The following MGMT variants were observed in gnomAD, a reference collection of about 807,000 sequenced individuals.
MGMT encodes the protein methylated-DNA--protein-cysteine methyltransferase.
MGMT carries 14 observed loss-of-function variants against 15.9 expected under a neutral mutation model. That is an observed-to-expected ratio of 0.88 (90% CI 0.58 to 1.37). MGMT has a LOEUF of 1.37. Among genes scored for constraint, MGMT ranks in the 40% most tolerant of loss-of-function variants. The pLI is 0.00. For synonymous variants in MGMT, 130 were observed against 118.2 expected (o/e 1.10, Z -0.65); for missense variants, 282 against 268.1 (o/e 1.05, Z -0.36).
At chr10:129,538,808 G>A (rs962882982) in intron 2 of MGMT, among the ~76,000 whole-genome samples, 2 of 152,064 alleles carry the variant, frequency 1.3e-5, no homozygotes, top group African/African-American at 4.8e-5. Context: ...GCTAATTTTT[G>A]TATTTTTAGT....
At chr10:129,750,677 A>G (rs369937167) in intron 3 of MGMT, among the ~76,000 whole-genome samples, 7 of 152,128 alleles carry the variant, frequency 4.6e-5, no homozygotes, top group Non-Finnish European at 7.4e-5. Flanking sequence ...TGCAAATACT[A>G]TGCCATTTTA....
chr10:129,501,305 C>G (rs1461514297), intron 1 of MGMT, among the ~76,000 whole-genome samples: 1 of 152,146 alleles, frequency 6.6e-6, no homozygotes, highest in African/African-American at 2.4e-5. Context: ...GGGGAGGATG[C>G]CTTTATTATC....
chr10:129,666,944 C>T (rs1380437565), intron 2 of MGMT, among the ~76,000 whole-genome samples: 1 of 152,222 alleles, frequency 6.6e-6, no homozygotes, highest in Non-Finnish European at 1.5e-5. Context: ...AAAACCAGTG[C>T]ATGTTGAAGG....
chr10:129,704,035 G>A (rs1400714891), intron 2 of MGMT, among the ~76,000 whole-genome samples: 3 of 152,042 alleles, frequency 2.0e-5, no homozygotes, highest in South Asian at 2.1e-4. Flanking sequence ...CCCTCTGTTC[G>A]GCCGCCTTCC....
At chr10:129,549,584 CTCTT>C (rs1386609472) in intron 2 of MGMT, among the ~76,000 whole-genome samples, 1 of 152,140 alleles carries the variant, frequency 6.6e-6, no homozygotes, top group Non-Finnish European at 1.5e-5. Flanking sequence ...GAGTTTTCTT[CTCTT>C]TCTCTTTTCT....
intron 3 of MGMT, among the ~76,000 whole-genome samples, chr10:129,748,165 C>T (rs1172638575): frequency 6.6e-6 from 1 of 152,206 alleles, no homozygotes; most frequent in Admixed American, 6.5e-5. Context: ...GACAGAGTAT[C>T]TACATAAGTT....
At chr10:129,536,490 C>CA (rs1845986263) in intron 2 of MGMT, 113 bp downstream of exon 2, 3 of 1,308,374 alleles carry the variant, frequency 2.3e-6, no homozygotes, top group Admixed American at 5.4e-5. Flanking sequence ...GCCTTACCCC[C>CA]ACAACCGCAA....
At chr10:129,581,779 C>T (rs1290033466) in intron 2 of MGMT, among the ~76,000 whole-genome samples, 1 of 152,170 alleles carries the variant, frequency 6.6e-6, no homozygotes, top group Non-Finnish European at 1.5e-5. Context: ...TAGGTGTGGG[C>T]GTGAGCATGC....
intron 3 of MGMT, among the ~76,000 whole-genome samples, chr10:129,743,695 G>T (rs1030164240): frequency 6.6e-6 from 1 of 152,242 alleles, no homozygotes; most frequent in Non-Finnish European, 1.5e-5. Context: ...TCCCTGTGGG[G>T]TCATAGAGGT....
chr10:129,674,064 C>G (rs552686957), intron 2 of MGMT, among the ~76,000 whole-genome samples: 2 of 152,310 alleles, frequency 1.3e-5, no homozygotes, highest in East Asian at 3.9e-4. Context: ...TGATTTAGCT[C>G]TCTTTGATTC....
intron 4 of MGMT, among the ~76,000 whole-genome samples, chr10:129,764,936 G>A (rs1848916186): frequency 6.6e-6 from 1 of 152,160 alleles, no homozygotes; most frequent in African/African-American, 2.4e-5. Context: ...GGGAGGAAGG[G>A]GGGCCAGGCA....
chr10:129,688,195 G>A (rs1350923140), intron 2 of MGMT, among the ~76,000 whole-genome samples: 1 of 152,136 alleles, frequency 6.6e-6, no homozygotes, highest in Non-Finnish European at 1.5e-5. Flanking sequence ...TAATCCTTGG[G>A]GTATATGTCC....
intron 2 of MGMT, among the ~76,000 whole-genome samples, chr10:129,557,206 C>T (rs909210010): frequency 2.6e-5 from 4 of 152,234 alleles, no homozygotes; most frequent in African/African-American, 9.6e-5. Flanking sequence ...GCAAGAGGAA[C>T]TATGTCAGAT....
At chr10:129,698,096 G>C (rs555735611) in intron 2 of MGMT, among the ~76,000 whole-genome samples, 1 of 152,248 alleles carries the variant, frequency 6.6e-6, no homozygotes, top group African/African-American at 2.4e-5. Context: ...GAGCCTGCAG[G>C]GGTACCCACC....
At chr10:129,657,311 C>T (rs190583900) in intron 2 of MGMT, among the ~76,000 whole-genome samples, 109 of 147,864 alleles carry the variant, frequency 7.4e-4, no homozygotes, top group Non-Finnish European at 1.0e-4. Context: ...TGTTTATTGG[C>T]AAGTAATTGT....
chr10:129,731,356 C>CATTTTTT (rs1848495035), intron 3 of MGMT, among the ~76,000 whole-genome samples: 2 of 96,998 alleles, frequency 2.1e-5, no homozygotes, highest in Admixed American at 2.6e-4. Flanking sequence ...AAACCTAAGA[C>CATTTTTT]TTTTTTTTTT....
chr10:129,715,507 A>G (rs561138816), intron 3 of MGMT: 7 of 152,328 alleles, frequency 4.6e-5, no homozygotes, highest in South Asian at 2.1e-4. Context: ...CTAAATTTCT[A>G]TTTCCACTGT....
chr10:129,687,398 G>T (rs1236733509), intron 2 of MGMT, among the ~76,000 whole-genome samples: 1 of 152,134 alleles, frequency 6.6e-6, no homozygotes, highest in African/African-American at 2.4e-5. Flanking sequence ...GACGCCAAGG[G>T]TATCACTGGA....
intron 3 of MGMT, among the ~76,000 whole-genome samples, chr10:129,721,442 A>G (rs997579139): frequency 2.6e-5 from 4 of 152,272 alleles, no homozygotes; most frequent in African/African-American, 9.6e-5. Flanking sequence ...TTGGGGAACT[A>G]TAAGTTGAAC....
Sources: gnomAD v4.1 joint callset for allele counts (sites outside exome capture counted in the v4.1 genomes callset) on GRCh38, gnomAD v4.1.1 for gene constraint, MANE v1.5 for transcripts, NCBI Gene and HGNC (gene_info 2026-07-23, HGNC 2026-07-21) for gene names.